The following GRK3 variants were observed in gnomAD, a reference collection of about 807,000 sequenced individuals.
The protein encoded by GRK3 is adrenergic, beta, receptor kinase 2.
In GRK3, 54 loss-of-function variants were observed where a neutral mutation model predicts 95.7. The ratio of observed to expected loss-of-function variants is 0.56; its 90% CI spans 0.45 to 0.71. The LOEUF is 0.71. Among genes scored for constraint, GRK3 ranks in the 30% least tolerant of loss-of-function variants. The pLI, the probability that GRK3 is intolerant of heterozygous loss-of-function variation, is 0.00. For synonymous variants in GRK3, 281 were observed against 290.8 expected, an observed-to-expected ratio of 0.97 and a Z score of 0.34; for missense variants, 649 against 851.2, an observed-to-expected ratio of 0.76 and a Z score of 2.96.
chr22:25,722,006 G>A (rs2085436258), intron 20 of GRK3, among the ~76,000 whole-genome samples: 3 of 152,126 alleles, frequency 2.0e-5, no homozygotes, highest in Admixed American at 2.0e-4. Flanking sequence ...AGTTGTTTTA[G>A]AAATCAAAAG....
rs191467906 is a variant in GRK3, at chr22:25,660,410, T to C, written c.265-1166T>C. ...CTTTATGTCAGGTTTTATTGTCTTC[T>C]TCAAGAAGACTCCATGTGAATTTCA... On this transcript the variant is annotated intron_variant, in intron 3 of 20. Coordinates refer to ENST00000324198, the MANE Select transcript of GRK3 (RefSeq NM_005160.4). Among the ~76,000 whole-genome samples, 11 of 152,322 alleles carry C rather than the reference T, an allele frequency of 7.2e-5. No homozygotes were observed. In the East Asian group the frequency reaches 2.1e-3, roughly 29 times the overall value.
chr22:25,607,944 C>G (rs569163845), intron 2 of GRK3, among the ~76,000 whole-genome samples: 1 of 152,244 alleles, frequency 6.6e-6, no homozygotes, highest in African/African-American at 2.4e-5. Flanking sequence ...AGACTTTGCT[C>G]TAACAGCTTA....
chr22:25,714,668 A>G, intron 18 of GRK3, 98 bp downstream of exon 18: 3 of 1,197,378 alleles, frequency 2.5e-6, no homozygotes, highest in Non-Finnish European at 3.4e-6. Context: ...GGTATTTTGC[A>G]GTCGAGAAGA....
intron 3 of GRK3, among the ~76,000 whole-genome samples, chr22:25,657,714 T>TG (rs1569182398): frequency 6.6e-6 from 1 of 151,972 alleles, no homozygotes; most frequent in African/African-American, 2.4e-5. Flanking sequence ...ATATATATAT[T>TG]TTTTACCAAA....
intron 2 of GRK3, among the ~76,000 whole-genome samples, chr22:25,639,336 A>G (rs1266728813): frequency 6.6e-6 from 1 of 152,186 alleles, no homozygotes; most frequent in East Asian, 1.9e-4. Context: ...ATTTAGTTCT[A>G]TGATAATCCT....
At chr22:25,615,301 C>T (rs1352604701) in intron 2 of GRK3, among the ~76,000 whole-genome samples, 1 of 152,168 alleles carries the variant, frequency 6.6e-6, no homozygotes, top group East Asian at 1.9e-4. Context: ...TATGAAACAG[C>T]ACCTCTGCTG....
intron 8 of GRK3, among the ~76,000 whole-genome samples, chr22:25,675,626 T>C (rs2085022248): frequency 6.6e-6 from 1 of 152,176 alleles, no homozygotes; most frequent in African/African-American, 2.4e-5. Flanking sequence ...ATAAAGTAAT[T>C]GAGTCCGTGG....
In GRK3 at chr22:25,726,811, T is replaced by C. The variant is rs2085477660; in HGVS notation, c.*4361T>C. ...AGCCATTTGCTGCCTATCAGGACTT[T>C]CTGAAGAAGTTCTTTTGCCTCTGCC... On this transcript the variant is annotated 3_prime_UTR_variant, in exon 21 of 21. Coordinates refer to ENST00000324198, the MANE Select transcript of GRK3 (RefSeq NM_005160.4). 6.6e-6 allele frequency: 1 copy of C among 152,190 alleles called. No individual in the cohort carries two copies. Among genetic ancestry groups the C allele is most frequent in the South Asian group, 2.1e-4 (1 of 4,832 alleles). The allele number at this position is 152,190 out of a possible 1,614,324, so 9.4% of individuals were successfully genotyped here.
chr22:25,685,123 C>A, intron 9 of GRK3, 47 bp from the exon 10 acceptor site: 1 of 1,326,970 alleles, frequency 7.5e-7, no homozygotes, highest in Non-Finnish European at 1.1e-6. Context: ...GATGTGCTTT[C>A]TAGGCAGCTT....
chr22:25,610,022 A>AT (rs111979204), intron 2 of GRK3, among the ~76,000 whole-genome samples: 4,083 of 148,564 alleles, frequency 0.027, 59 homozygotes, highest in Middle Eastern at 0.062. Context: ...TAATTTTTGT[A>AT]TTTTTTTTTA....
At chr22:25,637,741 T>C (rs963076578) in intron 2 of GRK3, among the ~76,000 whole-genome samples, 8 of 152,198 alleles carry the variant, frequency 5.3e-5, no homozygotes, top group Non-Finnish European at 1.5e-5. Flanking sequence ...AGTAATAGGA[T>C]ATGTGTATAT....
chr22:25,572,220 G>T (rs1370239703), intron 1 of GRK3, among the ~76,000 whole-genome samples: 1 of 152,154 alleles, frequency 6.6e-6, no homozygotes, highest in Non-Finnish European at 1.5e-5. Flanking sequence ...GTATTCCATG[G>T]TGTATATGTG....
In GRK3 at chr22:25,644,052, C is replaced by T. The variant is rs963153428; in HGVS notation, c.191-540C>T. ...GTAATCTGCTCTGGCACTAGGTATTCGGTAGGGACTTGGAAATAGTGAGTG... is the reference window on the plus strand; with the variant it reads ...GTAATCTGCTCTGGCACTAGGTATTTGGTAGGGACTTGGAAATAGTGAGTG... On this transcript the variant is annotated intron_variant, in intron 2 of 20. Coordinates refer to ENST00000324198, the MANE Select transcript of GRK3 (RefSeq NM_005160.4). 7.3e-5 allele frequency among the ~76,000 whole-genome samples: 11 copies of T among 151,406 alleles called. No homozygotes were observed. The East Asian group carries it at 1.2e-3, about 16-fold the overall frequency.
intron 1 of GRK3, among the ~76,000 whole-genome samples, chr22:25,601,886 T>G (rs2084411683): frequency 6.6e-6 from 1 of 152,196 alleles, no homozygotes; most frequent in Non-Finnish European, 1.5e-5. Context: ...CTTTTAAACT[T>G]GTGAAAGAAA....
At chr22:25,601,668 G>GTGTTGA (rs2084410315) in intron 1 of GRK3, among the ~76,000 whole-genome samples, 30 of 152,150 alleles carry the variant, frequency 2.0e-4, no homozygotes, top group Admixed American at 2.0e-3. Flanking sequence ...TCCAGAGATA[G>GTGTTGA]ACCTGCACAT....
At position 25,724,207 on chromosome 22, in the gene GRK3, T is replaced by G. The variant is rs954538153; in HGVS notation, c.*1757T>G. On this transcript the variant is annotated 3_prime_UTR_variant, in exon 21 of 21. Coordinates refer to ENST00000324198, the MANE Select transcript of GRK3 (RefSeq NM_005160.4). ...GAGTGAATGTCTTCCCAGCCCTGGT[T>G]AATTATAGCTGTGACTGATGCCGTT... is the stretch of plus-strand genomic sequence containing the variant. 2 of 152,084 alleles carry G rather than the reference T, an allele frequency of 1.3e-5. No homozygotes were observed. The highest frequency in any genetic ancestry group is 6.5e-5 in the Admixed American group (1 of 15,268). 9.4% of individuals were successfully genotyped at this position (152,084 alleles called of 1,614,324 possible).
intron 2 of GRK3, among the ~76,000 whole-genome samples, chr22:25,614,321 A>G (rs1336642339): frequency 6.6e-6 from 1 of 152,052 alleles, no homozygotes; most frequent in Non-Finnish European, 1.5e-5. Flanking sequence ...TTTTGTAGAG[A>G]TAAGGATTTG....
chr22:25,589,129 T>C (rs1240858898), intron 1 of GRK3, among the ~76,000 whole-genome samples: 2 of 152,244 alleles, frequency 1.3e-5, no homozygotes, highest in East Asian at 3.8e-4. Flanking sequence ...TACCTTATTA[T>C]GTGCTACTAG....
At chr22:25,602,486 A>T (rs1323353448) in intron 1 of GRK3, among the ~76,000 whole-genome samples, 1 of 152,230 alleles carries the variant, frequency 6.6e-6, no homozygotes, top group East Asian at 1.9e-4. Flanking sequence ...CCTGTGAAAA[A>T]TGAAAACGCA....
Sources: gnomAD v4.1 joint callset for allele counts (sites outside exome capture counted in the v4.1 genomes callset) on GRCh38, gnomAD v4.1.1 for gene constraint, MANE v1.5 for transcripts, NCBI Gene and HGNC (gene_info 2026-07-23, HGNC 2026-07-21) for gene names.